Variants in ABTB2 observed in about 807,000 individuals in gnomAD.
ABTB2 encodes the protein ankyrin repeat and BTB domain containing 2, also known as ankyrin repeat and BTB/POZ domain-containing protein 2.
ABTB2 carries 56 observed loss-of-function variants against 104.1 expected under a neutral mutation model. The observed-to-expected ratio is 0.54, with a 90% CI of 0.43 to 0.67. The LOEUF (loss-of-function observed/expected upper bound fraction) is 0.67. Ranked by LOEUF, ABTB2 falls within the 30% of genes least tolerant of loss-of-function variation. The pLI, the probability that ABTB2 is intolerant of heterozygous loss-of-function variation, is 0.00. For synonymous variants in ABTB2, 606 were observed against 608.2 expected (o/e 1.00, Z 0.05); for missense variants, 1,279 against 1,407.7 (o/e 0.91, Z 1.46).
intron 3 of ABTB2, among the ~76,000 whole-genome samples, chr11:34,182,902 G>A (rs1853047587): frequency 6.6e-6 from 1 of 152,072 alleles, no homozygotes; most frequent in South Asian, 2.1e-4. Flanking sequence ...GGCCAGAGAG[G>A]TGAGGTCACT....
chr11:34,272,181 A>G (rs1854321995), intron 1 of ABTB2, among the ~76,000 whole-genome samples: 1 of 152,138 alleles, frequency 6.6e-6, no homozygotes, highest in African/African-American at 2.4e-5. Flanking sequence ...AAATAAAATA[A>G]TAAATGTTAA....
In ABTB2 at chr11:34,303,023, A is replaced by C. The variant is rs918538862; in HGVS notation, c.883+53678T>G. ...TTGATTCCTGATGGCTTTCCTTCTC[A>C]ACATTCCTGTCTTCAGGCCTTTGAT... On this transcript the variant is annotated intron_variant, in intron 1 of 16. Transcript: ENST00000435224. Among the ~76,000 whole-genome samples the C allele has an allele frequency of 2.0e-5, 3 of 152,196 alleles. No homozygotes were observed. In the South Asian group the frequency reaches 6.2e-4, roughly 32 times the overall value.
At position 34,159,986 on chromosome 11, in the gene ABTB2, C is replaced by A; in HGVS notation, c.2526G>T (p.Lys842Asn). Reference protein sequence around the residue: ...ARLDPHFLNNKEMSDVTFLVE... With the variant: ...ARLDPHFLNNNEMSDVTFLVE... ...CCAGGAAGGTCACATCTGACATCTCCTTATTGTTCAAAAAGTGTGGATCTG... is the reference window on the plus strand; with the variant it reads ...CCAGGAAGGTCACATCTGACATCTCATTATTGTTCAAAAAGTGTGGATCTG... The change falls in exon 13 of 17, where the codon AAG becomes AAT. Residue 842 changes from lysine to asparagine, a missense_variant. By Grantham distance (94) the Lys-to-Asn change is moderately conservative. Coordinates refer to ENST00000435224, the MANE Select transcript of ABTB2 (RefSeq NM_145804.3). The A allele has an allele frequency of 6.2e-7, 1 of 1,613,684 alleles. No homozygotes were observed. Among genetic ancestry groups the A allele is most frequent in the Admixed American group, 1.7e-5 (1 of 60,024 alleles).
In ABTB2 at chr11:34,167,985, G is replaced by A. The variant is rs753177996; in HGVS notation, c.1571C>T (p.Thr524Met). Residue 524 changes from threonine (T) to methionine (M), a missense_variant, in exon 6 of 17, where the codon ACG (threonine) becomes ATG (methionine). Thr to Met is a moderately conservative substitution (Grantham distance 81). Transcript: ENST00000435224. Reference sequence around the variant, plus strand: ...AGCAGCGCAGGCGTACATCAGTGGCGTCATACCCTGAGCAAATCAAATGCA... The same window carrying A: ...AGCAGCGCAGGCGTACATCAGTGGCATCATACCCTGAGCAAATCAAATGCA... The part of the protein sequence containing the change: ...GVNTMDDQGM[T>M]PLMYACAAGD... The A allele has an allele frequency of 2.3e-5, 37 of 1,613,990 alleles. No homozygotes were observed. The highest frequency in any genetic ancestry group is 6.7e-5 in the African/African-American group (5 of 75,058).
At position 34,173,168 on chromosome 11, in the gene ABTB2, G is replaced by C. The variant is rs766940515; in HGVS notation, c.1384C>G (p.Pro462Ala). The change falls in exon 4 of 17, where the codon CCT becomes GCT. Residue 462 changes from proline (P) to alanine (A), a missense_variant. Coordinates refer to ENST00000435224, the MANE Select transcript of ABTB2 (RefSeq NM_145804.3). ...CCTGGTTCATACTTGAGCTGCCGAG[G>C]TTCACAGTCCAGACCAGGCAGCAGC... ...RLLLPGLDCE[P>A]RQLKPEHCFS... 2.5e-6 allele frequency: 4 copies of C among 1,613,710 alleles called. No homozygotes were observed. In the Admixed American group the frequency reaches 6.7e-5, roughly 27 times the overall value.
chr11:34,160,147 GGC>G (rs1852688399), intron 12 of ABTB2, 99 bp downstream of exon 12: 2 of 1,313,428 alleles, frequency 1.5e-6, no homozygotes, highest in Middle Eastern at 2.3e-4. Flanking sequence ...CTGGGGCCTT[GGC>G]GCTTGGAAAT....
At chr11:34,221,694 T>C (rs1284358064) in intron 1 of ABTB2, among the ~76,000 whole-genome samples, 2 of 152,176 alleles carry the variant, frequency 1.3e-5, no homozygotes, top group African/African-American at 2.4e-5. Flanking sequence ...GGCCAGAACA[T>C]TCACCTGCTG....
Position 34,215,899 on chromosome 11 carries a change from G to C in ABTB2, c.884-11209C>G, listed in dbSNP as rs56955447. On this transcript the variant is annotated intron_variant, in intron 1 of 16. Coordinates refer to ENST00000435224, the MANE Select transcript of ABTB2 (RefSeq NM_145804.3). Reference sequence around the variant, plus strand: ...ATTAGGAAGGAGGGATAGACCCAAGGCCACTCGATTCTGTTATTTTCTTAA... The same window carrying C: ...ATTAGGAAGGAGGGATAGACCCAAGCCCACTCGATTCTGTTATTTTCTTAA... 4.1e-3 allele frequency among the ~76,000 whole-genome samples: 621 copies of C among 152,126 alleles called. 5 individuals are homozygous for C. The highest frequency in any genetic ancestry group is 0.014 in the African/African-American group (598 of 41,472).
chr11:34,356,690 C>T lies in ABTB2; in HGVS notation c.883+11G>A. The T allele has an allele frequency of 6.4e-7, 1 of 1,570,286 alleles. No individual in the cohort carries two copies. The highest frequency in any genetic ancestry group is 2.3e-5 in the East Asian group (1 of 43,828). ...CTACCCAGTCTGCCAGTCCGAGGCC[C>T]GCGCGCTTACCATTGGCGTTCTTGC... On this transcript the variant is annotated intron_variant, in intron 1 of 16. Transcript: ENST00000435224. The surrounding 1 kb of genome is among the most constrained non-coding windows in gnomAD (Gnocchi z 4.6).
At chr11:34,324,659 T>C (rs1855046483) in intron 1 of ABTB2, among the ~76,000 whole-genome samples, 1 of 152,218 alleles carries the variant, frequency 6.6e-6, no homozygotes, top group Non-Finnish European at 1.5e-5. Context: ...GGTTATTAAA[T>C]AGCACAGCCC....
chr11:34,208,488 G>A (rs113473622), intron 1 of ABTB2, among the ~76,000 whole-genome samples: 4 of 152,324 alleles, frequency 2.6e-5, no homozygotes, highest in African/African-American at 9.6e-5. Context: ...GAGCATGATC[G>A]AGTGATCCTT....
At chr11:34,230,342 G>C (rs1247521162) in intron 1 of ABTB2, among the ~76,000 whole-genome samples, 1 of 152,200 alleles carries the variant, frequency 6.6e-6, no homozygotes, top group Non-Finnish European at 1.5e-5. Context: ...GGGAGAATTT[G>C]AGGGTTGTAC....
At chr11:34,241,195 C>G (rs1272988737) in intron 1 of ABTB2, among the ~76,000 whole-genome samples, 1 of 152,192 alleles carries the variant, frequency 6.6e-6, no homozygotes, top group Non-Finnish European at 1.5e-5. Flanking sequence ...GTTTCCTCAT[C>G]TGTACAGCGG....
Position 34,342,961 on chromosome 11 carries a change from A to ACG in ABTB2, c.883+13739_883+13740insCG, listed in dbSNP as rs1855281096. On this transcript the variant is annotated intron_variant, in intron 1 of 16. Coordinates refer to ENST00000435224, the MANE Select transcript of ABTB2 (RefSeq NM_145804.3). ...TATTTATTTATTTATTTATTTATTT[A>ACG]TTCGTTCATTCATTCATTCATTTTT... Among the ~76,000 whole-genome samples, 6 of 148,974 alleles carry ACG rather than the reference A, an allele frequency of 4.0e-5. No individual in the cohort carries two copies. The South Asian group carries it at 6.3e-4, about 16-fold the overall frequency.
chr11:34,254,315 A>C (rs1854093602), intron 1 of ABTB2, among the ~76,000 whole-genome samples: 1 of 150,880 alleles, frequency 6.6e-6, no homozygotes, highest in African/African-American at 2.4e-5. Flanking sequence ...TGGCATGATC[A>C]CAGCTCACTG....
intron 5 of ABTB2, among the ~76,000 whole-genome samples, chr11:34,168,886 C>A (rs560485326): frequency 4.3e-4 from 66 of 152,354 alleles, no homozygotes; most frequent in African/African-American, 1.6e-3. Context: ...GTTTATTCCA[C>A]GGCTGGATCC....
intron 1 of ABTB2, among the ~76,000 whole-genome samples, chr11:34,233,740 C>T (rs1210446959): frequency 1.3e-5 from 2 of 151,826 alleles, no homozygotes; most frequent in Non-Finnish European, 2.9e-5. Context: ...AATACTACCT[C>T]CCAGAGATAA....
intron 1 of ABTB2, among the ~76,000 whole-genome samples, chr11:34,350,158 T>C (rs1855380247): frequency 1.3e-5 from 2 of 152,198 alleles, no homozygotes; most frequent in Middle Eastern, 3.2e-3. Flanking sequence ...ACTGCTTTGC[T>C]ACATCGCTGA....
chr11:34,251,557 G>A (rs1309321844), intron 1 of ABTB2, among the ~76,000 whole-genome samples: 1 of 152,204 alleles, frequency 6.6e-6, no homozygotes, highest in Non-Finnish European at 1.5e-5. Context: ...GCTATGCTGG[G>A]GGAAGCCGCG....
Sources: allele counts gnomAD v4.1 joint callset (sites outside exome capture counted in the v4.1 genomes callset), GRCh38; gene constraint gnomAD v4.1.1; non-coding constraint Gnocchi (gnomAD v3.1); transcripts MANE v1.5; gene names NCBI Gene and HGNC (gene_info 2026-07-23, HGNC 2026-07-21).